The following EPN1 variants were observed in gnomAD, a reference collection of about 807,000 sequenced individuals.
EPN1 encodes the protein epsin-1.
In EPN1, 25 loss-of-function variants were observed where a neutral mutation model predicts 56.9. The observed-to-expected ratio is 0.44, with a 90% CI of 0.32 to 0.61. The LOEUF (loss-of-function observed/expected upper bound fraction) is 0.61. Ranked by LOEUF, EPN1 falls within the 20% of genes least tolerant of loss-of-function variation. The probability of loss-of-function intolerance (pLI) is 0.05; values close to 1 mark genes in which losing one functional copy is unlikely to be tolerated. For missense variants in EPN1, 785 were observed against 823.7 expected, an observed-to-expected ratio of 0.95 and a Z score of 0.58; for synonymous variants, 411 against 361.8, an observed-to-expected ratio of 1.14 and a Z score of -1.54.
chr19:55,677,591 C>T, intron 1 of EPN1: 7 of 1,550,736 alleles, frequency 4.5e-6, no homozygotes, highest in Non-Finnish European at 6.1e-6. Context: ...GGTAATGTCC[C>T]TCTTGTGCTG....
intron 8 of EPN1, 21 bp from the exon 9 acceptor site, chr19:55,692,930 C>T: frequency 1.2e-6 from 2 of 1,612,612 alleles, no homozygotes; most frequent in South Asian, 1.1e-5. Flanking sequence ...AGGGGCTGAG[C>T]AGAACATCCT....
intron 3 of EPN1, among the ~76,000 whole-genome samples, 132 bp from the exon 4 acceptor site, chr19:55,688,712 TCTCCGCCTCTCAGTCCTAGTCTTGGC>T (rs1291576196): frequency 6.6e-6 from 1 of 150,844 alleles, no homozygotes; most frequent in Non-Finnish European, 1.5e-5. Context: ...TGGCGTCTGG[TCTCCGCCTCTCAGTCCTAGTCTTGGC>T]CTGCAGAGGT....
rs1028532672 is a variant in EPN1 at position 55,704,716 on chromosome 19, C to G, written c.*9360C>G. ...CAAAAGCTCACGCATGTGTCTCTCC[C>G]GAGTCCCTGGAGGGTCCTGCCACCT... On this transcript the variant is annotated 3_prime_UTR_variant, in exon 11 of 11. Transcript: ENST00000270460. The G allele has an allele frequency of 6.6e-6, 1 of 152,580 alleles. No individual in the cohort carries two copies. Among genetic ancestry groups the G allele is most frequent in the African/African-American group, 2.4e-5 (1 of 41,466 alleles). 9.5% of individuals were successfully genotyped at this position (152,580 alleles called of 1,614,324 possible).
Position 55,689,718 on chromosome 19 carries a change from A to G in EPN1, c.679-149A>G. 1 of 771,098 alleles carries G rather than the reference A, an allele frequency of 1.3e-6. No homozygotes were observed. The allele number at this position is 771,098 out of a possible 1,614,324, so 47.8% of individuals were successfully genotyped here. A position where few individuals can be genotyped will look rare whatever the true frequency, so the allele number is the denominator to read the frequency against. ...GCCTGACCTTTGACCCAGGTGCCCC[A>G]TCCCCATTTCATACATTGTCCGCAT... On this transcript the variant is annotated intron_variant, in intron 5 of 10. Transcript: ENST00000270460. This position sits in a 1 kb window ranked among gnomAD's most constrained non-coding sequence, Gnocchi z 5.7.
At position 55,689,759 on chromosome 19, in the gene EPN1, A is replaced by T; in HGVS notation, c.679-108A>T. On this transcript the variant is annotated intron_variant, in intron 5 of 10. Transcript: ENST00000270460. This position sits in a 1 kb window ranked among gnomAD's most constrained non-coding sequence, Gnocchi z 5.7. Reference sequence around the variant, plus strand: ...TTGTCCGCATCCCATCGAATCCTTCAGCCGCTTTCGTTGGGGTGGGAGGGG... The same window carrying T: ...TTGTCCGCATCCCATCGAATCCTTCTGCCGCTTTCGTTGGGGTGGGAGGGG... 1 of 1,005,182 alleles carries T rather than the reference A, an allele frequency of 9.9e-7. No homozygotes were observed. The highest frequency in any genetic ancestry group is 1.5e-6 in the Non-Finnish European group (1 of 656,776). 62.3% of individuals were successfully genotyped at this position (1,005,182 alleles called of 1,614,324 possible). A position where few individuals can be genotyped will look rare whatever the true frequency, so the allele number is the denominator to read the frequency against.
Position 55,695,428 on chromosome 19 carries a change from T to C in EPN1, c.*72T>C. 1.2e-6 allele frequency: 1 copy of C among 825,534 alleles called. No individual in the cohort carries two copies. Among genetic ancestry groups the C allele is most frequent in the Non-Finnish European group, 1.9e-6 (1 of 531,006 alleles). The allele number at this position is 825,534 out of a possible 1,614,324, so 51.1% of individuals were successfully genotyped here. ...CTCCCTGGGAGATCAGTGTTGTGAG[T>C]GCATGTGAAATGGGGGATCCCCACC... is the stretch of plus-strand genomic sequence containing the variant. On this transcript the variant is annotated 3_prime_UTR_variant, in exon 11 of 11. Coordinates refer to ENST00000270460, the MANE Select transcript of EPN1 (RefSeq NM_001130072.2). This position sits in a 1 kb window ranked among gnomAD's most constrained non-coding sequence, Gnocchi z 4.4.
At chr19:55,678,205 C>T (rs568729637) in intron 1 of EPN1, among the ~76,000 whole-genome samples, 3 of 152,298 alleles carry the variant, frequency 2.0e-5, no homozygotes, top group East Asian at 1.9e-4. Context: ...TCTAGATGAC[C>T]GCATGGAGCC....
rs115997630 is a variant in EPN1 at position 55,683,747 on chromosome 19, A to G, written c.229-1649A>G. Among the ~76,000 whole-genome samples the G allele has an allele frequency of 3.7e-3, 570 of 152,242 alleles. 2 individuals are homozygous for G. The highest frequency in any genetic ancestry group is 0.013 in the African/African-American group (555 of 41,530). ...TTCACTGTGCGTGGGTATTCGCACT[A>G]TTTCCTGCTTCACAATCTTTTTAGC... On this transcript the variant is annotated intron_variant, in intron 2 of 10. Transcript: ENST00000270460.
In EPN1 at chr19:55,695,518, C is replaced by T. The variant is rs553286472; in HGVS notation, c.*162C>T. The T allele has an allele frequency of 1.0e-5, 6 of 591,426 alleles. No individual in the cohort carries two copies. The highest frequency in any genetic ancestry group is 1.8e-5 in the Non-Finnish European group (6 of 333,268). 36.6% of individuals were successfully genotyped at this position (591,426 alleles called of 1,614,324 possible). Reference sequence around the variant, plus strand: ...ACCCTCTTCCTTTCCCACCCCACCTCCCCGGAGAGAAACTGGACATGGGGC... The same window carrying T: ...ACCCTCTTCCTTTCCCACCCCACCTTCCCGGAGAGAAACTGGACATGGGGC... On this transcript the variant is annotated 3_prime_UTR_variant, in exon 11 of 11. Coordinates refer to ENST00000270460, the MANE Select transcript of EPN1 (RefSeq NM_001130072.2). This position sits in a 1 kb window ranked among gnomAD's most constrained non-coding sequence, Gnocchi z 4.4.
chr19:55,677,707 G>C, intron 1 of EPN1: 3 of 1,548,438 alleles, frequency 1.9e-6, no homozygotes, highest in Non-Finnish European at 2.6e-6. Context: ...TGGTCTTCTG[G>C]CTTCCCCGGT....
chr19:55,683,097 C>T (rs1016913869), intron 2 of EPN1, among the ~76,000 whole-genome samples: 10 of 151,634 alleles, frequency 6.6e-5, no homozygotes, highest in African/African-American at 2.4e-4. Flanking sequence ...CTCTTGTTGC[C>T]CAAGCTGGAG....
chr19:55,686,146 G>A (rs927475065), intron 3 of EPN1, among the ~76,000 whole-genome samples: 2 of 152,250 alleles, frequency 1.3e-5, no homozygotes, highest in Non-Finnish European at 2.9e-5. Context: ...TGGAGGTGGA[G>A]GACTCAGTCT....
chr19:55,677,367 C>A, intron 1 of EPN1: 1 of 685,400 alleles, frequency 1.5e-6, no homozygotes, highest in Non-Finnish European at 2.6e-6. Context: ...AAGAGCAGTG[C>A]GAGTGTCTGC....
intron 6 of EPN1, among the ~76,000 whole-genome samples, chr19:55,690,492 C>T (rs1179255734): frequency 1.6e-4 from 25 of 152,242 alleles, no homozygotes; most frequent in Admixed American, 2.0e-4. Flanking sequence ...TTCCCTGTGA[C>T]GGGCCCGCTG....
rs1460709069 is a variant in EPN1 at position 55,706,283 on chromosome 19, C to CTTCTTTTTTTTTTT, written c.*10929_*10930insCTTTTTTTTTTTTT. 1 of 118,340 alleles carries CTTCTTTTTTTTTTT rather than the reference C, an allele frequency of 8.5e-6. No individual in the cohort carries two copies. The highest frequency in any genetic ancestry group is 3.3e-5 in the African/African-American group (1 of 30,418). 7.3% of individuals were successfully genotyped at this position (118,340 alleles called of 1,614,324 possible). Reference sequence around the variant, plus strand: ...CTTCCTTTCTTCTCTTTTTCTTCTTCTTTTTTTTTTTTTTTTAAAAGACCG... The same window carrying CTTCTTTTTTTTTTT: ...CTTCCTTTCTTCTCTTTTTCTTCTTCTTCTTTTTTTTTTTTTTTTTTTTTTTTTTTAAAAGACCG... On this transcript the variant is annotated 3_prime_UTR_variant, in exon 11 of 11. Transcript: ENST00000270460.
In EPN1 at chr19:55,694,978, C is replaced by T. The variant is rs1986827164; in HGVS notation, c.1517C>T (p.Pro506Leu). 1 of 1,556,516 alleles carries T rather than the reference C, an allele frequency of 6.4e-7. No individual in the cohort carries two copies. ...PGAKASNPFL[P>L]GGGPATGPSV... The stretch of plus-strand genomic sequence containing the variant: ...GCCAAGGCCTCCAACCCCTTCCTGC[C>T]AGGCGGTGAGTGTGGGCCCATCACC... Residue 506 changes from proline to leucine, a missense_variant, in exon 10 of 11, where the codon CCA becomes CTA. By Grantham distance (98) the Pro-to-Leu change is moderately conservative (BLOSUM62 -3). Transcript: ENST00000270460. This position sits in a 1 kb window ranked among gnomAD's most constrained non-coding sequence, Gnocchi z 4.2.
Position 55,682,585 on chromosome 19 carries a change from AT to A in EPN1, c.229-2805del, listed in dbSNP as rs534893540. ...ACGCATGTGCCACCACGCCTAGCTA[AT>A]TTTTTGTTATTTTATTTATTTATTT... On this transcript the variant is annotated intron_variant, in intron 2 of 10. Coordinates refer to ENST00000270460, the MANE Select transcript of EPN1 (RefSeq NM_001130072.2). Among the ~76,000 whole-genome samples the A allele has an allele frequency of 5.1e-3, 777 of 151,894 alleles. 3 individuals carry two copies. Among genetic ancestry groups the A allele is most frequent in the Non-Finnish European group, 8.5e-3 (580 of 67,942 alleles).
intron 3 of EPN1, 28 bp downstream of exon 3, chr19:55,685,673 G>A: frequency 6.4e-7 from 1 of 1,571,536 alleles, no homozygotes; most frequent in Non-Finnish European, 8.6e-7. Flanking sequence ...GCCCCTGACG[G>A]CCTAGAGTCT....
chr19:55,696,536 C>T lies in EPN1; in HGVS notation c.*1180C>T, dbSNP rs893950814. On this transcript the variant is annotated 3_prime_UTR_variant, in exon 11 of 11. Transcript: ENST00000270460. ...CCTCAGTGACTCCGACAGCTCTTGT[C>T]TCAGAGGTGCTGGGGTGAAGGCTGT... 1 of 152,480 alleles carries T rather than the reference C, an allele frequency of 6.6e-6. No individual in the cohort carries two copies. The allele number at this position is 152,480 out of a possible 1,614,324, so 9.4% of individuals were successfully genotyped here.
Sources: allele counts gnomAD v4.1 joint callset (sites outside exome capture counted in the v4.1 genomes callset), GRCh38; gene constraint gnomAD v4.1.1; non-coding constraint Gnocchi (gnomAD v3.1); transcripts MANE v1.5; gene names NCBI Gene and HGNC (gene_info 2026-07-23, HGNC 2026-07-21).